The following OXR1 variants were observed in gnomAD, a reference collection of about 807,000 sequenced individuals.
The protein encoded by OXR1 is oxidation resistance 1, also known as oxidation resistance protein 1.
A neutral mutation model predicts 104.6 loss-of-function variants in OXR1; 41 were observed. The observed-to-expected ratio is 0.39, with a 90% CI of 0.31 to 0.51. The LOEUF (loss-of-function observed/expected upper bound fraction) is 0.51. Ranked by LOEUF, OXR1 falls within the 20% of genes least tolerant of loss-of-function variation. The probability of loss-of-function intolerance (pLI) is 0.77; values close to 1 mark genes in which losing one functional copy is unlikely to be tolerated. For missense variants in OXR1, 955 were observed against 1,031.9 expected (o/e 0.93, Z 1.02); for synonymous variants, 348 against 348.4 (o/e 1.00, Z 0.01).
chr8:106,417,086 A>G (rs1489246463), intron 2 of OXR1, among the ~76,000 whole-genome samples: 2 of 152,098 alleles, frequency 1.3e-5, no homozygotes, highest in Non-Finnish European at 2.9e-5. Context: ...TGTGATTAAT[A>G]AATTTTTTAA....
At chr8:106,586,273 A>G (rs1197967759) in intron 3 of OXR1, among the ~76,000 whole-genome samples, 1 of 152,116 alleles carries the variant, frequency 6.6e-6, no homozygotes, top group Non-Finnish European at 1.5e-5. Context: ...GAGCGGACAC[A>G]TTTTCCTGGT....
rs908047454 is a variant in OXR1 at position 106,519,176 on chromosome 8, A to T, written c.220+37A>T. 18 of 1,383,466 alleles carry T rather than the reference A, an allele frequency of 1.3e-5. No individual in the cohort carries two copies. In the African/African-American group the frequency reaches 2.6e-4, roughly 20 times the overall value. 85.7% of individuals were successfully genotyped at this position (1,383,466 alleles called of 1,614,324 possible). Reference sequence around the variant, plus strand: ...ATGTTTTATGCAAGTGAATAGATGAAATCTACCTAAATGGCATTGAGAATT... The same window carrying T: ...ATGTTTTATGCAAGTGAATAGATGATATCTACCTAAATGGCATTGAGAATT... On this transcript the variant is annotated intron_variant, in intron 3 of 16. Transcript: ENST00000517566.
At position 106,624,965 on chromosome 8, in the gene OXR1, T is replaced by A. The variant is rs1211281392; in HGVS notation, c.221-54245T>A. On this transcript the variant is annotated intron_variant, in intron 3 of 16. Coordinates refer to ENST00000517566, the MANE Select transcript of OXR1 (RefSeq NM_001198533.2). ...TGCCACTATGCCCGGCTAATTTTTC[T>A]ATTTTTTGTAGAGATGGGGTTTCAT... Among the ~76,000 whole-genome samples, 7 of 152,206 alleles carry A rather than the reference T, an allele frequency of 4.6e-5. No homozygotes were observed. The East Asian group carries it at 1.4e-3, about 29-fold the overall frequency.
chr8:106,350,694 TC>T (rs1815687169), intron 1 of OXR1, among the ~76,000 whole-genome samples: 1 of 152,186 alleles, frequency 6.6e-6, no homozygotes, highest in African/African-American at 2.4e-5. Flanking sequence ...AGGATAGGTA[TC>T]AATAGGATAT....
intron 3 of OXR1, among the ~76,000 whole-genome samples, chr8:106,668,921 C>T (rs936821712): frequency 1.9e-4 from 29 of 152,058 alleles, no homozygotes; most frequent in Admixed American, 8.5e-4. Context: ...TCTGTAGGTC[C>T]GGACTGAGCC....
chr8:106,397,532 AT>A (rs534501999), intron 2 of OXR1, among the ~76,000 whole-genome samples: 60 of 152,094 alleles, frequency 3.9e-4, no homozygotes, highest in African/African-American at 1.4e-3. Context: ...TCTCCGTGGG[AT>A]TTTTTAAGAG....
chr8:106,583,063 T>A (rs1818371227), intron 3 of OXR1, among the ~76,000 whole-genome samples: 1 of 152,176 alleles, frequency 6.6e-6, no homozygotes, highest in Admixed American at 6.5e-5. Context: ...GGGAGTTTTT[T>A]TTGAAAAAGA....
chr8:106,443,685 C>A (rs1554575264), intron 2 of OXR1, among the ~76,000 whole-genome samples: 1 of 151,970 alleles, frequency 6.6e-6, no homozygotes, highest in Non-Finnish European at 1.5e-5. Context: ...CTTTTTTGAT[C>A]TTTGTTGGTT....
At chr8:106,745,726 GAACT>G in intron 15 of OXR1, 59 bp from the exon 16 acceptor site, 1 of 783,822 alleles carries the variant, frequency 1.3e-6, no homozygotes, top group South Asian at 1.8e-5. Flanking sequence ...GAGTTTTGGA[GAACT>G]AACTCTCTAT....
At chr8:106,474,149 G>T (rs1254297313) in intron 2 of OXR1, among the ~76,000 whole-genome samples, 1 of 149,422 alleles carries the variant, frequency 6.7e-6, no homozygotes, top group African/African-American at 2.5e-5. Flanking sequence ...TAATTTACCA[G>T]GTAAATTGAC....
At chr8:106,532,723 T>G (rs1350313391) in intron 3 of OXR1, among the ~76,000 whole-genome samples, 1 of 152,160 alleles carries the variant, frequency 6.6e-6, no homozygotes, top group Non-Finnish European at 1.5e-5. Flanking sequence ...ATTTCAGGCT[T>G]TAAATACTTG....
intron 10 of OXR1, among the ~76,000 whole-genome samples, chr8:106,712,368 A>G (rs565027674): frequency 3.2e-4 from 49 of 152,160 alleles, no homozygotes; most frequent in Admixed American, 5.9e-4. Context: ...TGGGCAGCCT[A>G]AAAGTTTTTA....
At chr8:106,326,919 C>T (rs1309481821) in intron 1 of OXR1, among the ~76,000 whole-genome samples, 2 of 152,034 alleles carry the variant, frequency 1.3e-5, no homozygotes, top group African/African-American at 4.8e-5. Context: ...GAAAATAGTG[C>T]ATTTTTATAA....
intron 1 of OXR1, among the ~76,000 whole-genome samples, chr8:106,354,528 G>A (rs1815877558): frequency 6.6e-6 from 1 of 152,042 alleles, no homozygotes; most frequent in Non-Finnish European, 1.5e-5. Flanking sequence ...ATAATGTTTA[G>A]TATCCCCTTT....
intron 2 of OXR1, among the ~76,000 whole-genome samples, chr8:106,379,382 GT>G (rs1429098801): frequency 6.6e-6 from 1 of 152,054 alleles, no homozygotes; most frequent in Non-Finnish European, 1.5e-5. Flanking sequence ...TTTTAAAGTT[GT>G]TTTTTGACAA....
intron 3 of OXR1, among the ~76,000 whole-genome samples, chr8:106,666,992 A>G (rs1826403965): frequency 6.6e-6 from 1 of 152,236 alleles, no homozygotes; most frequent in African/African-American, 2.4e-5. Flanking sequence ...TTCAGTTTTC[A>G]GTCTCACTAG....
At chr8:106,498,011 A>G (rs937660748) in intron 2 of OXR1, among the ~76,000 whole-genome samples, 5 of 152,182 alleles carry the variant, frequency 3.3e-5, no homozygotes, top group African/African-American at 4.8e-5. Context: ...GTTCAAATGT[A>G]CTGTCTCATC....
chr8:106,397,683 CT>C (rs891363331), intron 2 of OXR1, among the ~76,000 whole-genome samples: 6 of 151,886 alleles, frequency 4.0e-5, no homozygotes, highest in African/African-American at 1.2e-4. Flanking sequence ...TTTACCTCAA[CT>C]TTTTTTTCCC....
intron 2 of OXR1, among the ~76,000 whole-genome samples, chr8:106,391,705 A>G (rs1040881048): frequency 1.3e-5 from 2 of 152,180 alleles, no homozygotes; most frequent in African/African-American, 2.4e-5. Flanking sequence ...AAATCTTAGC[A>G]TACAGATTTA....
Sources: allele counts gnomAD v4.1 joint callset (sites outside exome capture counted in the v4.1 genomes callset), GRCh38; gene constraint gnomAD v4.1.1; transcripts MANE v1.5; gene names NCBI Gene and HGNC (gene_info 2026-07-23, HGNC 2026-07-21).